The following LARGE1 variants were observed in gnomAD, a reference collection of about 807,000 sequenced individuals.
LARGE1 encodes the protein xylosyl- and glucuronyltransferase LARGE1.
In LARGE1, 43 loss-of-function variants were observed where a neutral mutation model predicts 87.6. The ratio of observed to expected loss-of-function variants is 0.49; its 90% CI spans 0.38 to 0.63. The LOEUF (loss-of-function observed/expected upper bound fraction) is 0.63. Ranked by LOEUF, LARGE1 falls within the 30% of genes least tolerant of loss-of-function variation. The pLI, the probability that LARGE1 is intolerant of heterozygous loss-of-function variation, is 0.00. For missense variants in LARGE1, 802 were observed against 1,000.2 expected (o/e 0.80, Z 2.67); for synonymous variants, 434 against 394.6 (o/e 1.10, Z -1.18).
intron 6 of LARGE1, among the ~76,000 whole-genome samples, chr22:33,551,688 T>C (rs2077524960): frequency 2.0e-5 from 3 of 152,232 alleles, no homozygotes; most frequent in Admixed American, 2.0e-4. Context: ...GGTCCTAACC[T>C]ACTCACTCAC....
At chr22:33,347,899 A>T (rs954977735) in intron 9 of LARGE1, among the ~76,000 whole-genome samples, 1 of 152,226 alleles carries the variant, frequency 6.6e-6, no homozygotes, top group African/African-American at 2.4e-5. Context: ...TCATTCAGTT[A>T]TAAAAGACAT....
the LARGE1 span, among the ~76,000 whole-genome samples, chr22:33,139,696 T>G: frequency 2.0e-5 from 3 of 152,206 alleles, no homozygotes; most frequent in Admixed American, 2.0e-4. Flanking sequence ...CTAGCTAGCC[T>G]ATGGTTTAGC....
the LARGE1 span, among the ~76,000 whole-genome samples, chr22:33,113,778 G>C: frequency 1.3e-5 from 2 of 152,064 alleles, no homozygotes; most frequent in African/African-American, 4.8e-5. Flanking sequence ...CCACACTCTC[G>C]TTCAAAATCT....
At chr22:33,293,778 A>T (rs954588623) in intron 12 of LARGE1, among the ~76,000 whole-genome samples, 1 of 152,332 alleles carries the variant, frequency 6.6e-6, no homozygotes, top group African/African-American at 2.4e-5. Context: ...TACTGATCCT[A>T]CATGTCACTG....
chr22:33,624,399 C>A (rs374096559), intron 4 of LARGE1, among the ~76,000 whole-genome samples: 5 of 152,094 alleles, frequency 3.3e-5, no homozygotes, highest in African/African-American at 1.2e-4. Context: ...GTATTGTGGG[C>A]TGGTAGACGA....
At chr22:33,181,240 G>A (rs1249770984) in intron 11 of LARGE1, among the ~76,000 whole-genome samples, 5 of 152,094 alleles carry the variant, frequency 3.3e-5, no homozygotes, top group South Asian at 2.1e-4. Context: ...AAATTTTTAT[G>A]AAGAAGAGGT....
intron 3 of LARGE1, among the ~76,000 whole-genome samples, chr22:33,629,269 G>GA (rs1307395049): frequency 2.6e-5 from 4 of 152,128 alleles, no homozygotes; most frequent in African/African-American, 4.8e-5. Flanking sequence ...TGAGAATGGG[G>GA]AAAAACACGC....
chr22:33,583,027 T>C (rs2078567509), intron 5 of LARGE1, among the ~76,000 whole-genome samples: 1 of 152,218 alleles, frequency 6.6e-6, no homozygotes, highest in Admixed American at 6.5e-5. Context: ...ATGTCTACCT[T>C]GGACAGTTCC....
At chr22:33,415,910 C>G (rs542405410) in intron 7 of LARGE1, among the ~76,000 whole-genome samples, 17 of 152,276 alleles carry the variant, frequency 1.1e-4, no homozygotes, top group African/African-American at 4.1e-4. Context: ...GGCTGAACTG[C>G]CTGGTTACCG....
the LARGE1 span, among the ~76,000 whole-genome samples, chr22:33,089,356 T>C: frequency 0.056 from 5,025 of 88,970 alleles, 152 homozygotes; most frequent in Middle Eastern, 0.17. Context: ...TTCTTCTTCT[T>C]CTTCTTCTTC....
At chr22:33,556,558 G>A (rs1387291267) in intron 6 of LARGE1, among the ~76,000 whole-genome samples, 3 of 102,104 alleles carry the variant, frequency 2.9e-5, no homozygotes, top group South Asian at 3.1e-4. Context: ...GAGGGAGGGA[G>A]GGAGGGAGGC....
chr22:33,813,290 T>C (rs1215316671), intron 1 of LARGE1, among the ~76,000 whole-genome samples: 2 of 149,992 alleles, frequency 1.3e-5, no homozygotes, highest in Non-Finnish European at 3.0e-5. Context: ...ACTCTAAGAA[T>C]CAACAAGCTT....
At chr22:33,495,782 A>G (rs1195275768) in intron 6 of LARGE1, among the ~76,000 whole-genome samples, 2 of 152,170 alleles carry the variant, frequency 1.3e-5, no homozygotes, top group African/African-American at 4.8e-5. Context: ...ACTGCTTTGA[A>G]ACAGCTGAAG....
chr22:33,280,241 C>G (rs1416243001), intron 13 of LARGE1, among the ~76,000 whole-genome samples: 1 of 138,158 alleles, frequency 7.2e-6, no homozygotes, highest in Admixed American at 8.1e-5. Context: ...ATATCTACTT[C>G]ATAGATTTAT....
intron 1 of LARGE1, among the ~76,000 whole-genome samples, chr22:33,839,427 A>G (rs1329609309): frequency 6.6e-6 from 1 of 152,230 alleles, no homozygotes; most frequent in African/African-American, 2.4e-5. Flanking sequence ...CTGCAACATG[A>G]GATTTGGAGG....
intron 6 of LARGE1, among the ~76,000 whole-genome samples, chr22:33,532,283 T>G (rs2072243686): frequency 6.6e-6 from 1 of 152,216 alleles, no homozygotes; most frequent in Non-Finnish European, 1.5e-5. Context: ...TAACCACCTT[T>G]GAGAAATTTT....
At chr22:33,774,027 G>A (rs2085153169) in intron 1 of LARGE1, among the ~76,000 whole-genome samples, 1 of 136,752 alleles carries the variant, frequency 7.3e-6, no homozygotes, top group South Asian at 2.4e-4. Context: ...CTTGGAAAAG[G>A]AAGAACTATT....
chr22:33,689,358 C>T (rs549939501), intron 2 of LARGE1, among the ~76,000 whole-genome samples: 14 of 152,124 alleles, frequency 9.2e-5, no homozygotes, highest in Non-Finnish European at 1.5e-4. Flanking sequence ...CCCAGGAAGC[C>T]GCATTCAGCG....
chr22:33,661,003 T>C (rs1055309277), intron 2 of LARGE1, among the ~76,000 whole-genome samples: 1 of 152,092 alleles, frequency 6.6e-6, no homozygotes, highest in African/African-American at 2.4e-5. Flanking sequence ...AAATTTTTAA[T>C]GAGGTTTGAT....
Sources: gnomAD v4.1 joint callset for allele counts (sites outside exome capture counted in the v4.1 genomes callset) on GRCh38, gnomAD v4.1.1 for gene constraint, MANE v1.5 for transcripts, NCBI Gene and HGNC (gene_info 2026-07-23, HGNC 2026-07-21) for gene names.